COL12A1: variants seen among roughly 807,000 people sequenced by gnomAD.
The protein encoded by COL12A1 is collagen alpha-1(XII) chain.
A neutral mutation model predicts 349.7 loss-of-function variants in COL12A1; 114 were observed. The observed-to-expected ratio is 0.33, with a 90% CI of 0.28 to 0.38. COL12A1 has a LOEUF of 0.38. Ranked by LOEUF, COL12A1 falls within the 10% of genes least tolerant of loss-of-function variation. The pLI is 1.00. For synonymous variants in COL12A1, 1,369 were observed against 1,329.0 expected, an observed-to-expected ratio of 1.03 and a Z score of -0.66; for missense variants, 3,284 against 3,756.9, an observed-to-expected ratio of 0.87 and a Z score of 3.29.
At chr6:75,178,611 T>C (rs901849146) in intron 11 of COL12A1, among the ~76,000 whole-genome samples, 12 of 152,336 alleles carry the variant, frequency 7.9e-5, no homozygotes, top group African/African-American at 2.2e-4. Flanking sequence ...GTTTTGTGTT[T>C]AGTAAACATG....
In COL12A1 at chr6:75,165,776, C is replaced by A. The variant is rs369193482; in HGVS notation, c.2714G>T (p.Arg905Leu). ...AGTAACTAAATCTTGAGGAGAACCA[C>A]GTTCTAGAACAGAAATTAAAAGGGA... ...LFGEGTTLEE[R>L]GSPQDLVTKD... Residue 905 changes from arginine (R) to leucine (L), a missense_variant, in exon 14 of 66, where the codon CGT becomes CTT. Arg to Leu is a moderately radical substitution (Grantham distance 102). Around this residue, in one of 2 missense-constraint regions of COL12A1, gnomAD observed 2,601 missense variants for 2,824.8 expected, o/e 0.92. Transcript: ENST00000322507. 1.2e-6 allele frequency: 2 copies of A among 1,610,472 alleles called. No individual in the cohort carries two copies. Among genetic ancestry groups the A allele is most frequent in the Admixed American group, 1.7e-5 (1 of 59,390 alleles).
At chr6:75,110,493 T>C (rs956039125) in intron 51 of COL12A1, among the ~76,000 whole-genome samples, 6 of 152,002 alleles carry the variant, frequency 3.9e-5, no homozygotes, top group Non-Finnish European at 8.8e-5. Flanking sequence ...GCCAAGTGTG[T>C]AGAGTAACCA....
chr6:75,115,026 T>A (rs1254292613), intron 49 of COL12A1, among the ~76,000 whole-genome samples: 1 of 152,120 alleles, frequency 6.6e-6, no homozygotes, highest in African/African-American at 2.4e-5. Flanking sequence ...AGACTTACAA[T>A]GTGGTCAAAC....
At position 75,090,054 on chromosome 6, in the gene COL12A1, C is replaced by T; in HGVS notation, c.8941+56G>A. 1 of 1,591,494 alleles carries T rather than the reference C, an allele frequency of 6.3e-7. No homozygotes were observed. Among genetic ancestry groups the T allele is most frequent in the Non-Finnish European group, 8.6e-7 (1 of 1,164,250 alleles). On this transcript the variant is annotated intron_variant, in intron 63 of 65. Transcript: ENST00000322507. The surrounding 1 kb of genome is among the most constrained non-coding windows in gnomAD (Gnocchi z 4.1). ...TTCAGATGCCTTCAACCTGTCCCAA[C>T]TCCTACATTTGCAAATTCCTTCCTT... is the stretch of plus-strand genomic sequence containing the variant.
chr6:75,108,935 A>C, intron 52 of COL12A1, 83 bp downstream of exon 52: 1 of 1,403,444 alleles, frequency 7.1e-7, no homozygotes, highest in East Asian at 2.3e-5. Context: ...AATAGAATAA[A>C]ATAAAACTCA....
intron 3 of COL12A1, 46 bp from the exon 4 acceptor site, chr6:75,192,401 C>A (rs1390356908): frequency 6.6e-7 from 1 of 1,511,944 alleles, no homozygotes; most frequent in East Asian, 2.3e-5. Context: ...AAACATTTTT[C>A]ACATATAACA....
chr6:75,134,887 C>T, intron 31 of COL12A1, 32 bp from the exon 32 acceptor site: 2 of 1,594,416 alleles, frequency 1.3e-6, no homozygotes. Context: ...TAAGTGTCAG[C>T]CTTGCTCTCT....
intron 11 of COL12A1, among the ~76,000 whole-genome samples, chr6:75,179,958 C>CA (rs1769177160): frequency 6.6e-6 from 1 of 152,184 alleles, no homozygotes; most frequent in Non-Finnish European, 1.5e-5. Context: ...GCAATATTCA[C>CA]AAAAGGTGGG....
rs188432379 is a variant in COL12A1 at position 75,121,182 on chromosome 6, T to C, written c.7086+120A>G. 4.5e-6 allele frequency: 4 copies of C among 883,312 alleles called. No homozygotes were observed. In the African/African-American group the frequency reaches 6.9e-5, roughly 15 times the overall value. 54.7% of individuals were successfully genotyped at this position (883,312 alleles called of 1,614,324 possible). A position where few individuals can be genotyped will look rare whatever the true frequency, so the allele number is the denominator to read the frequency against. Reference sequence around the variant, plus strand: ...CCCAAAAATACATGAATAAAAGAAATAGCAAATAGGAGAAGGTCAAAACAG... The same window carrying C: ...CCCAAAAATACATGAATAAAAGAAACAGCAAATAGGAGAAGGTCAAAACAG... On this transcript the variant is annotated intron_variant, in intron 44 of 65. Transcript: ENST00000322507.
In COL12A1 at chr6:75,178,657, C is replaced by T. The variant is rs116470007; in HGVS notation, c.2165-722G>A. On this transcript the variant is annotated intron_variant, in intron 11 of 65. Transcript: ENST00000322507. The stretch of plus-strand genomic sequence containing the variant: ...CTTCTTGCTCAATGGGGCCAACTGC[C>T]TATACAGACAACATATTCAGGAAAG... 1.6e-3 allele frequency among the ~76,000 whole-genome samples: 247 copies of T among 152,272 alleles called. 2 individuals carry two copies. Among genetic ancestry groups the T allele is most frequent in the African/African-American group, 5.8e-3 (239 of 41,552 alleles).
At chr6:75,190,156 C>G (rs908700753) in intron 5 of COL12A1, among the ~76,000 whole-genome samples, 3 of 151,776 alleles carry the variant, frequency 2.0e-5, no homozygotes, top group African/African-American at 7.3e-5. Flanking sequence ...TAAACTATAC[C>G]CTCACTCTTC....
rs1172556053 is a variant in COL12A1 at position 75,183,865 on chromosome 6, T to A, written c.1277A>T (p.Lys426Ile). 4 of 1,613,978 alleles carry A rather than the reference T, an allele frequency of 2.5e-6. No individual in the cohort carries two copies. Among genetic ancestry groups the A allele is most frequent in the African/African-American group, 1.3e-5 (1 of 74,928 alleles). The change falls in exon 9 of 66, where the codon AAA (lysine) becomes ATA (isoleucine). Residue 426 changes from lysine to isoleucine, a missense_variant. Around this residue, in one of 2 missense-constraint regions of COL12A1, gnomAD observed 2,601 missense variants for 2,824.8 expected, o/e 0.92. Coordinates refer to ENST00000322507, the MANE Select transcript of COL12A1 (RefSeq NM_004370.6). The part of the protein sequence containing the change: ...ISIMEKTQPM[K>I]VQVECSRGVD... ...ACACATTGACTTACCCACTTGAACT[T>A]TCATTGGCTGAGTCTTCTCCATTAT... is the stretch of plus-strand genomic sequence containing the variant.
At chr6:75,115,569 T>C (rs937370866) in intron 49 of COL12A1, among the ~76,000 whole-genome samples, 10 of 152,184 alleles carry the variant, frequency 6.6e-5, no homozygotes, top group Non-Finnish European at 1.2e-4. Flanking sequence ...TTCTTGGATC[T>C]GGCAATAACG....
rs1471550984 is a variant in COL12A1, at chr6:75,143,340, CT to C, written c.4738del (p.Ser1580AlafsTer3). ...AGGTTCCCAAAAGACATTCATAGTG[CT>C]GTGAGTCACATCTCTGAGTTTCAGA... ...QDLKLRDVTH[S>X]TMNVFWEPVP... On this transcript the variant is annotated frameshift_variant, in exon 26 of 66. Coordinates refer to ENST00000322507, the MANE Select transcript of COL12A1 (RefSeq NM_004370.6). LOFTEE classifies it high-confidence loss of function. The C allele has an allele frequency of 3.1e-6, 5 of 1,613,702 alleles. No homozygotes were observed. Among genetic ancestry groups the C allele is most frequent in the Non-Finnish European group, 3.4e-6 (4 of 1,179,906 alleles).
intron 25 of COL12A1, among the ~76,000 whole-genome samples, chr6:75,143,867 C>T (rs1767042448): frequency 6.6e-6 from 1 of 152,064 alleles, no homozygotes; most frequent in Admixed American, 6.6e-5. Context: ...ATAAGAAAAC[C>T]CAGACACCTA....
At chr6:75,198,968 T>C (rs1770380301) in intron 2 of COL12A1, among the ~76,000 whole-genome samples, 1 of 152,214 alleles carries the variant, frequency 6.6e-6, no homozygotes, top group Admixed American at 6.5e-5. Flanking sequence ...TAATTTACAT[T>C]TGCCATGCAA....
At chr6:75,145,753 T>G (rs1163041686) in intron 24 of COL12A1, among the ~76,000 whole-genome samples, 2 of 151,972 alleles carry the variant, frequency 1.3e-5, no homozygotes, top group East Asian at 3.9e-4. Flanking sequence ...TGTCTCAGCC[T>G]CCTGAGTGGC....
At chr6:75,147,537 G>T (rs1767259986) in intron 23 of COL12A1, 138 bp downstream of exon 23, 7 of 864,314 alleles carry the variant, frequency 8.1e-6, no homozygotes, top group Non-Finnish European at 1.0e-5. Context: ...CTGGGCACCT[G>T]CACAAAGATG....
In COL12A1 at chr6:75,105,221, T is replaced by G. The variant is rs1768490055; in HGVS notation, c.8250A>C (p.Gly2750=). The change falls in exon 54 of 66, where the codon GGA becomes GGC. Residue 2750 remains glycine, a synonymous_variant. Coordinates refer to ENST00000322507, the MANE Select transcript of COL12A1 (RefSeq NM_004370.6). ...ATTTCCTTACTGCAGGGCCTGGAGG[T>G]CCTGGAGGTCCAACGCTGTCCTGTG... ...TCTQDSVGPP[G]PPGPAGGPGA... 3 of 1,613,260 alleles carry G rather than the reference T, an allele frequency of 1.9e-6. No individual in the cohort carries two copies. Among genetic ancestry groups the G allele is most frequent in the Non-Finnish European group, 2.5e-6 (3 of 1,179,598 alleles).
Sources: allele counts gnomAD v4.1 joint callset (sites outside exome capture counted in the v4.1 genomes callset), GRCh38; gene constraint gnomAD v4.1.1; regional missense constraint gnomAD v4.1.1; non-coding constraint Gnocchi (gnomAD v3.1); transcripts MANE v1.5; gene names NCBI Gene and HGNC (gene_info 2026-07-23, HGNC 2026-07-21).